Variants in NT5DC4 observed in about 807,000 individuals in gnomAD.
NT5DC4 encodes the protein 5'-nucleotidase domain containing 4.
A neutral mutation model predicts 26.6 loss-of-function variants in NT5DC4; 44 were observed. That is an observed-to-expected ratio of 1.65 (90% CI 1.30 to 2.13). The LOEUF is 2.13. Among genes scored for constraint, NT5DC4 ranks in the 30% most tolerant of loss-of-function variants. The pLI, the probability that NT5DC4 is intolerant of heterozygous loss-of-function variation, is 0.00. For missense variants in NT5DC4, 399 were observed against 228.1 expected (o/e 1.75, Z -4.83); for synonymous variants, 157 against 86.7 (o/e 1.81, Z -4.51).
intron 10 of NT5DC4, chr2:112,724,373 C>T: frequency 1.7e-6 from 1 of 589,120 alleles, no homozygotes; most frequent in Non-Finnish European, 3.0e-6. Flanking sequence ...GGACGGGCGG[C>T]AGAAAGTGGG....
rs765630002 is a variant in NT5DC4 at position 112,738,999 on chromosome 2, G to A, written c.*63G>A. On this transcript the variant is annotated 3_prime_UTR_variant, in exon 17 of 17. Coordinates refer to ENST00000688554, the MANE Select transcript of NT5DC4 (RefSeq NM_001393655.1). ...GCTCGCTCAATCCTCGACGAACGCC[G>A]TACAGGAGTGATAAATTTCATGTCT... 22 of 1,614,034 alleles carry A rather than the reference G, an allele frequency of 1.4e-5. No homozygotes were observed. Among genetic ancestry groups the A allele is most frequent in the Middle Eastern group, 1.6e-4 (1 of 6,084 alleles).
At chr2:112,719,987 T>TC (rs1491576268), upstream of NT5DC4, among the ~76,000 whole-genome samples, 40 of 129,958 alleles carry the variant, frequency 3.1e-4, no homozygotes, top group Admixed American at 7.4e-4. Context: ...TCTTTCTTTC[T>TC]TTTTCTTTTC....
intron 7 of NT5DC4, 42 bp from the exon 8 acceptor site, chr2:112,723,376 C>CACACAA: frequency 2.8e-6 from 2 of 711,610 alleles, no homozygotes; most frequent in Non-Finnish European, 5.2e-6. Flanking sequence ...CACACACACA[C>CACACAA]ACACACACAC....
At chr2:112,739,170 A>T, downstream of NT5DC4, 1 of 770,456 alleles carries the variant, frequency 1.3e-6, no homozygotes, top group Non-Finnish European at 2.1e-6. Flanking sequence ...GATACAAGAG[A>T]TATGTCTAGA....
chr2:112,726,239 G>C lies in NT5DC4; in HGVS notation c.1155G>C (p.Glu385Asp). Reference protein sequence around the residue: ...WELDIWAQEKERLEELKRLDT... With the variant: ...WELDIWAQEKDRLEELKRLDT... ...CACTGACCCCTGGTGGCTTTTCAGA[G>C]CGGTTGGAGGAGCTGAAGAGACTGG... The change falls in exon 14 of 17, where the codon GAG becomes GAC. Residue 385 changes from glutamate to aspartate, a missense_variant and splice_region_variant. By Grantham distance (45) the Glu-to-Asp change is conservative. Transcript: ENST00000688554. 1.4e-6 allele frequency: 1 copy of C among 716,578 alleles called. No individual in the cohort carries two copies. The highest frequency in any genetic ancestry group is 2.7e-5 in the East Asian group (1 of 37,190). 44.4% of individuals were successfully genotyped at this position (716,578 alleles called of 1,614,324 possible). A position where few individuals can be genotyped will look rare whatever the true frequency, so the allele number is the denominator to read the frequency against.
At chr2:112,738,577 G>C in intron 16 of NT5DC4, 1 of 501,846 alleles carries the variant, frequency 2.0e-6, no homozygotes, top group South Asian at 2.6e-5. Flanking sequence ...ATAGTTGTAG[G>C]GTAAATATTC....
intron 14 of NT5DC4, 126 bp from the exon 15 acceptor site, chr2:112,726,552 C>G: frequency 5.8e-6 from 4 of 695,396 alleles, no homozygotes; most frequent in Admixed American, 2.0e-5. Context: ...ACACACCCAG[C>G]CCGGCACCCC....
chr2:112,730,100 G>A (rs1394136263), intron 16 of NT5DC4, among the ~76,000 whole-genome samples: 2 of 151,880 alleles, frequency 1.3e-5, no homozygotes, highest in African/African-American at 2.4e-5. Context: ...ATCACCTGAG[G>A]GCAGGAGGTC....
At chr2:112,742,773 G>A (rs770441305), downstream of NT5DC4, 1 of 1,596,894 alleles carries the variant, frequency 6.3e-7, no homozygotes, top group Non-Finnish European at 8.5e-7. Context: ...GTATTGGCTG[G>A]AAGGAAGGAA....
chr2:112,728,995 C>T (rs1324836558), intron 15 of NT5DC4, among the ~76,000 whole-genome samples: 3 of 152,228 alleles, frequency 2.0e-5, no homozygotes, highest in African/African-American at 7.2e-5. Context: ...GGGGTCCAGG[C>T]ATAGCCCTCT....
At chr2:112,720,012 CCCTT>C (rs770903380), upstream of NT5DC4, among the ~76,000 whole-genome samples, 2,590 of 97,678 alleles carry the variant, frequency 0.027, 160 homozygotes, top group African/African-American at 0.11. Flanking sequence ...CTTTTCTTTT[CCCTT>C]CCTTCCTTCC....
intron 16 of NT5DC4, chr2:112,737,846 A>G (rs1418271933): frequency 6.6e-6 from 1 of 152,244 alleles, no homozygotes; most frequent in East Asian, 1.9e-4. Flanking sequence ...ATGGTTTTCT[A>G]TAATAAATAA....
intron 4 of NT5DC4, 41 bp from the exon 5 acceptor site, chr2:112,722,442 C>A: frequency 1.4e-6 from 1 of 716,644 alleles, no homozygotes; most frequent in South Asian, 1.5e-5. Flanking sequence ...CCTGGACAGG[C>A]CTCCAGGAGG....
intron 7 of NT5DC4, 88 bp from the exon 8 acceptor site, chr2:112,723,330 C>G: frequency 1.4e-6 from 1 of 690,946 alleles, no homozygotes; most frequent in South Asian, 1.5e-5. Context: ...CTTTTCTCAT[C>G]TTGGACACAG....
intron 16 of NT5DC4, among the ~76,000 whole-genome samples, chr2:112,732,360 G>A (rs1436055134): frequency 2.0e-5 from 3 of 152,012 alleles, no homozygotes; most frequent in African/African-American, 7.2e-5. Flanking sequence ...ACTGGCCTGT[G>A]TCTTTACAGG....
chr2:112,735,494 TTTTC>T (rs60540153), intron 16 of NT5DC4, among the ~76,000 whole-genome samples: 60,614 of 151,102 alleles, frequency 0.4, 14,466 homozygotes, highest in East Asian at 0.69. Context: ...CCCCCCCTTT[TTTTC>T]TTTCTTTAAA....
At chr2:112,719,481 CTTT>C (rs57789268), upstream of NT5DC4, among the ~76,000 whole-genome samples, 1,717 of 101,232 alleles carry the variant, frequency 0.017, 34 homozygotes, top group African/African-American at 0.06. Context: ...ACTTGTCTGT[CTTT>C]TTTTTTTTTT....
chr2:112,719,898 C>CCT (rs1676679123), upstream of NT5DC4, among the ~76,000 whole-genome samples: 1 of 87,570 alleles, frequency 1.1e-5, no homozygotes, highest in Non-Finnish European at 2.1e-5. Flanking sequence ...TCCTTTCTTT[C>CCT]TTTCTTTTTC....
At chr2:112,722,871 G>C in intron 6 of NT5DC4, 100 bp downstream of exon 6, 1 of 143,598 alleles carries the variant, frequency 7.0e-6, no homozygotes, top group Non-Finnish European at 1.6e-5. Context: ...CAAGAGGCTG[G>C]AAGGGCTCCA....
Sources: allele counts gnomAD v4.1 joint callset (sites outside exome capture counted in the v4.1 genomes callset), GRCh38; gene constraint gnomAD v4.1.1; transcripts MANE v1.5; gene names NCBI Gene and HGNC (gene_info 2026-07-23, HGNC 2026-07-21).